The following DIAPH2 variants were observed in gnomAD, a reference collection of about 807,000 sequenced individuals.
DIAPH2 encodes the protein diaphanous related formin 2, also known as protein diaphanous homolog 2.
A neutral mutation model predicts 92.7 loss-of-function variants in DIAPH2; 35 were observed. The observed-to-expected ratio is 0.38, with a 90% CI of 0.29 to 0.50. The LOEUF is 0.50. Among genes scored for constraint, DIAPH2 ranks in the 20% least tolerant of loss-of-function variants. The pLI is 0.94. For missense variants in DIAPH2, 701 were observed against 819.5 expected (o/e 0.86, Z 1.77); for synonymous variants, 301 against 280.4 (o/e 1.07, Z -0.73).
intron 1 of DIAPH2, among the ~76,000 whole-genome samples, chrX:96,687,661 A>T (rs1360057135): frequency 9.0e-6 from 1 of 111,135 alleles, no homozygotes; most frequent in Non-Finnish European, 1.9e-5. Context: ...CCTGGAAAGC[A>T]GATTTTCTAT....
intron 22 of DIAPH2, among the ~76,000 whole-genome samples, chrX:97,145,635 G>GT (rs1191183573): frequency 9.1e-6 from 1 of 110,122 alleles, no homozygotes; most frequent in African/African-American, 3.3e-5. Flanking sequence ...TCCTGCCAGT[G>GT]TATTCAAAAG....
chrX:97,277,223 A>G (rs1406204458), intron 23 of DIAPH2, among the ~76,000 whole-genome samples: 1 of 111,551 alleles, frequency 9.0e-6, no homozygotes. Context: ...CTCTAATCCC[A>G]GCTACTTGGG....
chrX:96,691,640 T>C lies in DIAPH2; in HGVS notation c.132+6450T>C, dbSNP rs777443181. ...TATTGGTCCCTTTCTCATGAAAGAA[T>C]GTAGAAAACAAAATTCTTACTTATC... is the stretch of plus-strand genomic sequence containing the variant. On this transcript the variant is annotated intron_variant, in intron 1 of 26. Transcript: ENST00000324765. Among the ~76,000 whole-genome samples the C allele has an allele frequency of 2.7e-5, 3 of 112,362 alleles. No individual in the cohort carries two copies. The East Asian group carries it at 8.4e-4, about 31-fold the overall frequency.
intron 22 of DIAPH2, among the ~76,000 whole-genome samples, chrX:97,171,939 CAA>C (rs748501203): frequency 1.0e-4 from 9 of 88,684 alleles, no homozygotes; most frequent in Admixed American, 1.2e-4. Context: ...GACTCCGTCT[CAA>C]AAAAAAAAAA....
At chrX:97,053,847 T>C (rs1171016163) in intron 17 of DIAPH2, among the ~76,000 whole-genome samples, 1 of 111,900 alleles carries the variant, frequency 8.9e-6, no homozygotes, top group African/African-American at 3.2e-5. Flanking sequence ...ATATATGTGA[T>C]TTTTGATTTT....
intron 4 of DIAPH2, among the ~76,000 whole-genome samples, chrX:96,838,854 T>G (rs764754632): frequency 8.9e-6 from 1 of 112,218 alleles, no homozygotes; most frequent in Admixed American, 9.4e-5. Flanking sequence ...ATGTTTCTAG[T>G]ATAGGAGCTA....
intron 23 of DIAPH2, among the ~76,000 whole-genome samples, chrX:97,327,981 TA>T (rs1341850167): frequency 8.9e-6 from 1 of 112,633 alleles, no homozygotes; most frequent in East Asian, 2.8e-4. Flanking sequence ...CTTCTTAATT[TA>T]CTTAAAAACA....
At position 96,807,475 on chromosome X, in the gene DIAPH2, G is replaced by A. The variant is rs767996957; in HGVS notation, c.447+49217G>A. On this transcript the variant is annotated intron_variant, in intron 4 of 26. Transcript: ENST00000324765. The stretch of plus-strand genomic sequence containing the variant: ...AAAGAAAATAGTTTGATTGGCTAAC[G>A]TGGAGCGGTAGCCTTATTTGGATCA... Among the ~76,000 whole-genome samples, 4 of 111,714 alleles carry A rather than the reference G, an allele frequency of 3.6e-5. No individual in the cohort carries two copies. The South Asian group carries it at 1.1e-3, about 32-fold the overall frequency.
intron 22 of DIAPH2, among the ~76,000 whole-genome samples, chrX:97,157,761 T>A (rs1173812922): frequency 8.9e-6 from 1 of 112,061 alleles, no homozygotes; most frequent in Non-Finnish European, 1.9e-5. Flanking sequence ...AGAAAGGAAA[T>A]GTTTATTCTG....
At chrX:97,465,381 T>C (rs2070502840) in intron 26 of DIAPH2, among the ~76,000 whole-genome samples, 1 of 111,855 alleles carries the variant, frequency 8.9e-6, no homozygotes, top group South Asian at 3.7e-4. Context: ...GAAAGGCATA[T>C]CGAAAATATT....
At chrX:97,061,823 A>G (rs1345947696) in intron 17 of DIAPH2, among the ~76,000 whole-genome samples, 1 of 108,081 alleles carries the variant, frequency 9.3e-6, no homozygotes, top group Non-Finnish European at 1.9e-5. Context: ...CAAAAAAAAA[A>G]AAAAAAAAAA....
chrX:97,553,938 CATAG>C (rs916687281), intron 26 of DIAPH2, among the ~76,000 whole-genome samples: 35 of 111,551 alleles, frequency 3.1e-4, no homozygotes, highest in African/African-American at 1.1e-3. Context: ...TAGTTATATA[CATAG>C]ATAGACATAC....
At chrX:96,755,086 C>A (rs902752062) in intron 3 of DIAPH2, among the ~76,000 whole-genome samples, 1 of 110,159 alleles carries the variant, frequency 9.1e-6, no homozygotes, top group Non-Finnish European at 1.9e-5. Context: ...TGTCTTCTGC[C>A]TTCTAGTAAG....
intron 26 of DIAPH2, among the ~76,000 whole-genome samples, chrX:97,455,755 T>C (rs5921825): frequency 0.028 from 3,092 of 112,031 alleles, 35 homozygotes; most frequent in Middle Eastern, 0.041. Flanking sequence ...TTACCTTTAT[T>C]GTATATGTTT....
At chrX:97,039,814 A>G (rs1469582868) in intron 17 of DIAPH2, among the ~76,000 whole-genome samples, 2 of 111,352 alleles carry the variant, frequency 1.8e-5, no homozygotes, top group Non-Finnish European at 3.8e-5. Context: ...AGTGGGTCAT[A>G]TCTCTGTCCC....
intron 20 of DIAPH2, among the ~76,000 whole-genome samples, chrX:97,109,506 A>G (rs1038874177): frequency 9.0e-6 from 1 of 111,554 alleles, no homozygotes; most frequent in African/African-American, 3.3e-5. Flanking sequence ...AGCTTACAGT[A>G]TGGGTCTGGA....
intron 24 of DIAPH2, among the ~76,000 whole-genome samples, chrX:97,349,405 C>T (rs2069191237): frequency 9.0e-6 from 1 of 111,163 alleles, no homozygotes; most frequent in African/African-American, 3.3e-5. Context: ...ACAGGAAGAT[C>T]AGTTAACAAA....
chrX:97,258,025 T>C lies in DIAPH2; in HGVS notation c.2844+10186T>C. Among the ~76,000 whole-genome samples the C allele has an allele frequency of 3.6e-5, 4 of 111,088 alleles. 1 individual carries two copies. The Middle Eastern group carries it at 0.018, about 512-fold the overall frequency. On this transcript the variant is annotated intron_variant, in intron 23 of 26. Transcript: ENST00000324765. ...CATTTTATCTAACTTTAAAAACATT[T>C]TTAAGTTCTAGCTAACTTTGCTTTT...
chrX:96,899,348 C>T (rs1482031271), intron 5 of DIAPH2, among the ~76,000 whole-genome samples: 2 of 110,493 alleles, frequency 1.8e-5, no homozygotes, highest in Non-Finnish European at 3.8e-5. Context: ...ACTGATTCTT[C>T]CTACCCATGA....
Sources: allele counts gnomAD v4.1 joint callset (sites outside exome capture counted in the v4.1 genomes callset), GRCh38; gene constraint gnomAD v4.1.1; transcripts MANE v1.5; gene names NCBI Gene and HGNC (gene_info 2026-07-23, HGNC 2026-07-21).